TMEM63C: variants seen among roughly 807,000 people sequenced by gnomAD.
TMEM63C encodes transmembrane protein 63C.
TMEM63C carries 32 observed loss-of-function variants against 99.2 expected under a neutral mutation model. The observed-to-expected ratio is 0.32, with a 90% confidence interval of 0.24 to 0.43. The LOEUF (loss-of-function observed/expected upper bound fraction) is 0.43, where lower values mean the gene tolerates loss of function less well. TMEM63C is among the 20% of genes least tolerant of loss of function. The probability of loss-of-function intolerance (pLI) is 1.00; values close to 1 mark genes in which losing one functional copy is unlikely to be tolerated. For synonymous variants in TMEM63C, 376 were observed against 397.9 expected, an observed-to-expected ratio of 0.94 and a Z score of 0.66; for missense variants, 826 against 1,053.0, an observed-to-expected ratio of 0.78 and a Z score of 2.98.
intron 1 of TMEM63C, among the ~76,000 whole-genome samples, chr14:77,199,675 G>A (rs538760300): frequency 5.3e-5 from 8 of 152,252 alleles, no homozygotes; most frequent in African/African-American, 1.2e-4. Context: ...CTCAGTGTGC[G>A]GCTCTTACTC....
chr14:77,242,564 CAG>C, intron 14 of TMEM63C, 95 bp downstream of exon 14: 2 of 1,492,362 alleles, frequency 1.3e-6, no homozygotes, highest in Non-Finnish European at 1.8e-6. Flanking sequence ...CATTGCCCAA[CAG>C]AGACTCCAAG....
chr14:77,248,478 G>A lies in TMEM63C; in HGVS notation c.1733G>A (p.Arg578Lys). ...TACAGCACCCGCCTCTTCTTCTCTA[G>A]ATCAGAGCCAGAGAGAGTCAACATC... is the stretch of plus-strand genomic sequence containing the variant. ...FCYSTRLFFS[R>K]SEPERVNIRK... The change falls in exon 19 of 24, where the codon AGA becomes AAA. Residue 578 changes from arginine to lysine, a missense_variant. Coordinates refer to ENST00000298351, the MANE Select transcript of TMEM63C (RefSeq NM_020431.4). The A allele has an allele frequency of 6.3e-7, 1 of 1,593,132 alleles. No homozygotes were observed. Among genetic ancestry groups the A allele is most frequent in the South Asian group, 1.1e-5 (1 of 87,694 alleles).
At chr14:77,186,162 C>A (rs1887991204) in intron 1 of TMEM63C, among the ~76,000 whole-genome samples, 1 of 152,072 alleles carries the variant, frequency 6.6e-6, no homozygotes, top group Non-Finnish European at 1.5e-5. Context: ...CAGGCGTGCG[C>A]CAACACGTCG....
chr14:77,245,138 G>A (rs1286569031), intron 16 of TMEM63C, among the ~76,000 whole-genome samples: 1 of 152,180 alleles, frequency 6.6e-6, no homozygotes, highest in African/African-American at 2.4e-5. Flanking sequence ...TTTTCCTCTG[G>A]CCAAGAACAA....
chr14:77,233,534 G>A, intron 8 of TMEM63C, 34 bp downstream of exon 8: 1 of 1,609,382 alleles, frequency 6.2e-7, no homozygotes, highest in East Asian at 2.2e-5. Context: ...CATTCCATTG[G>A]CTGGGGGTGT....
chr14:77,248,270 C>T (rs758545932), intron 18 of TMEM63C, 77 bp from the exon 19 acceptor site: 9 of 1,334,542 alleles, frequency 6.7e-6, no homozygotes, highest in Non-Finnish European at 9.4e-6. Context: ...TGCTGCTCTC[C>T]TCTCTCTCCT....
Position 77,231,704 on chromosome 14 carries a change from C to T in TMEM63C, c.467C>T (p.Pro156Leu). 1.3e-6 allele frequency: 2 copies of T among 1,551,652 alleles called. No homozygotes were observed. Among genetic ancestry groups the T allele is most frequent in the South Asian group, 2.4e-5 (2 of 84,052 alleles). The part of the protein sequence containing the change: ...ICIPSLGIIL[P>L]INYTGSVLDW... ...ATCCCCTCCCTGGGCATCATTTTGC[C>T]CATCAACTATACTGGATCTGTTCTG... The change falls in exon 7 of 24, where the codon CCC becomes CTC. Residue 156 changes from proline to leucine, a missense_variant. Physicochemically the swap from Pro to Leu is moderately conservative, Grantham distance 98. Coordinates refer to ENST00000298351, the MANE Select transcript of TMEM63C (RefSeq NM_020431.4).
chr14:77,212,113 TGAG>T (rs1269039034), intron 1 of TMEM63C: 1 of 151,712 alleles, frequency 6.6e-6, no homozygotes, highest in Non-Finnish European at 1.5e-5. Flanking sequence ...ACAAATAAGC[TGAG>T]GAGGAGGAGG....
Position 77,218,875 on chromosome 14 carries a change from A to T in TMEM63C, c.62A>T (p.Glu21Val). The change falls in exon 3 of 24, where the codon GAA becomes GTA. Residue 21 changes from glutamate to valine, a missense_variant. Transcript: ENST00000298351. ...AGGTTACAGAACATGACAGTGGATGAATGCTTCCAGTCTCGGAACACCGTC... is the reference window on the plus strand; with the variant it reads ...AGGTTACAGAACATGACAGTGGATGTATGCTTCCAGTCTCGGAACACCGTC... Reference protein sequence around the residue: ...GGRLQNMTVDECFQSRNTVLQ... With the variant: ...GGRLQNMTVDVCFQSRNTVLQ... 2 of 1,613,634 alleles carry T rather than the reference A, an allele frequency of 1.2e-6. No homozygotes were observed. The highest frequency in any genetic ancestry group is 1.7e-6 in the Non-Finnish European group (2 of 1,179,772).
At chr14:77,225,604 T>G in intron 6 of TMEM63C, 143 bp downstream of exon 6, 1 of 760,870 alleles carries the variant, frequency 1.3e-6, no homozygotes, top group Non-Finnish European at 2.1e-6. Flanking sequence ...CCATTACCAG[T>G]GAAGGATGCT....
intron 8 of TMEM63C, among the ~76,000 whole-genome samples, chr14:77,233,887 C>T (rs539827811): frequency 1.3e-5 from 2 of 152,300 alleles, no homozygotes; most frequent in South Asian, 2.1e-4. Flanking sequence ...GAATCATGTG[C>T]CTGACAGTCC....
intron 1 of TMEM63C, among the ~76,000 whole-genome samples, chr14:77,196,453 C>T (rs1888216349): frequency 6.6e-6 from 1 of 152,220 alleles, no homozygotes; most frequent in South Asian, 2.1e-4. Flanking sequence ...CCAGGTGACC[C>T]TGCCCATGAG....
intron 1 of TMEM63C, among the ~76,000 whole-genome samples, chr14:77,201,765 G>T (rs1423589422): frequency 1.3e-5 from 2 of 152,238 alleles, no homozygotes; most frequent in Non-Finnish European, 2.9e-5. Context: ...TAACACCAAA[G>T]AGGAGAGGAA....
At chr14:77,191,057 A>G (rs1463106402) in intron 1 of TMEM63C, among the ~76,000 whole-genome samples, 3 of 152,248 alleles carry the variant, frequency 2.0e-5, no homozygotes, top group Non-Finnish European at 2.9e-5. Flanking sequence ...GCAAAAATAT[A>G]TAGCTTGTTT....
intron 1 of TMEM63C, among the ~76,000 whole-genome samples, chr14:77,203,893 G>A (rs769280364): frequency 1.1e-4 from 16 of 152,226 alleles, no homozygotes; most frequent in Non-Finnish European, 1.3e-4. Context: ...CCTCCAACCC[G>A]GCTCTAGCTG....
At chr14:77,237,527 G>A (rs1181709464) in intron 9 of TMEM63C, among the ~76,000 whole-genome samples, 1 of 152,196 alleles carries the variant, frequency 6.6e-6, no homozygotes, top group Non-Finnish European at 1.5e-5. Flanking sequence ...CATGACCAGG[G>A]AACTCTGGGA....
At chr14:77,242,808 G>T in intron 14 of TMEM63C, 95 bp from the exon 15 acceptor site, 1 of 1,455,230 alleles carries the variant, frequency 6.9e-7, no homozygotes, top group Non-Finnish European at 9.6e-7. Flanking sequence ...ATTAGACCAG[G>T]GCAGGCTGGG....
chr14:77,242,898 C>T lies in TMEM63C; in HGVS notation c.1188-5C>T. ...AATGTGCCTCCTTCTTCCATCCTTCCCCAGGAAACACCTGTCTGTCCGCCG... is the reference window on the plus strand; with the variant it reads ...AATGTGCCTCCTTCTTCCATCCTTCTCCAGGAAACACCTGTCTGTCCGCCG... On this transcript the variant is annotated splice_polypyrimidine_tract_variant and splice_region_variant and intron_variant, in intron 14 of 23. Coordinates refer to ENST00000298351, the MANE Select transcript of TMEM63C (RefSeq NM_020431.4). 1.2e-6 allele frequency: 2 copies of T among 1,614,032 alleles called. No homozygotes were observed. Among genetic ancestry groups the T allele is most frequent in the Non-Finnish European group, 1.7e-6 (2 of 1,179,904 alleles).
chr14:77,248,269 CCTCT>C, intron 18 of TMEM63C, 74 bp from the exon 19 acceptor site: 1 of 1,318,718 alleles, frequency 7.6e-7, no homozygotes, highest in East Asian at 2.5e-5. Flanking sequence ...CTGCTGCTCT[CCTCT>C]CTCTCCTCCC....
Sources: allele counts gnomAD v4.1 joint callset (sites outside exome capture counted in the v4.1 genomes callset), GRCh38; gene constraint gnomAD v4.1.1; transcripts MANE v1.5; gene names NCBI Gene and HGNC (gene_info 2026-07-23, HGNC 2026-07-21).